BRDT: variants seen among roughly 807,000 people sequenced by gnomAD.
BRDT encodes the protein bromodomain testis-specific protein.
BRDT carries 77 observed loss-of-function variants against 113.9 expected under a neutral mutation model. The ratio of observed to expected loss-of-function variants is 0.68; its 90% CI spans 0.56 to 0.82. The LOEUF is 0.82. Among genes scored for constraint, BRDT ranks in the 40% least tolerant of loss-of-function variants. The probability of loss-of-function intolerance (pLI) is 0.00; values close to 1 mark genes in which losing one functional copy is unlikely to be tolerated. For missense variants in BRDT, 1,027 were observed against 1,105.4 expected, an observed-to-expected ratio of 0.93 and a Z score of 1.01; for synonymous variants, 358 against 366.5, an observed-to-expected ratio of 0.98 and a Z score of 0.26.
At chr1:91,960,331 A>G (rs1346830356) in intron 1 of BRDT, among the ~76,000 whole-genome samples, 1 of 152,256 alleles carries the variant, frequency 6.6e-6, no homozygotes, top group Non-Finnish European at 1.5e-5. Context: ...AAAGAAAATG[A>G]TAGACATACG....
chr1:92,005,947 C>G (rs1179989162), intron 18 of BRDT, among the ~76,000 whole-genome samples: 1 of 152,154 alleles, frequency 6.6e-6, no homozygotes, highest in Non-Finnish European at 1.5e-5. Context: ...TCCTAATATG[C>G]AGAAAATAAT....
At chr1:91,988,488 C>T (rs567946381) in intron 12 of BRDT, among the ~76,000 whole-genome samples, 1 of 152,204 alleles carries the variant, frequency 6.6e-6, no homozygotes, top group South Asian at 2.1e-4. Context: ...GAAACCTCTG[C>T]CTCCCAGGTT....
chr1:92,000,868 A>G (rs892422759), intron 15 of BRDT, among the ~76,000 whole-genome samples: 51 of 152,236 alleles, frequency 3.4e-4, no homozygotes, highest in African/African-American at 1.1e-3. Flanking sequence ...AGATAGGTCA[A>G]TCTTTTAGTC....
intron 12 of BRDT, among the ~76,000 whole-genome samples, chr1:91,986,484 A>G (rs927665820): frequency 2.0e-5 from 3 of 152,204 alleles, no homozygotes; most frequent in Non-Finnish European, 4.4e-5. Context: ...AGTTAAACAC[A>G]AAGAAACTAA....
chr1:92,009,393 C>T (rs1687602478), intron 18 of BRDT, among the ~76,000 whole-genome samples: 1 of 152,084 alleles, frequency 6.6e-6, no homozygotes, highest in Admixed American at 6.5e-5. Context: ...TCTTGGCTAT[C>T]ACAATAGGTC....
At chr1:91,971,661 T>C (rs1002453742) in intron 4 of BRDT, among the ~76,000 whole-genome samples, 2 of 152,220 alleles carry the variant, frequency 1.3e-5, no homozygotes, top group Non-Finnish European at 2.9e-5. Context: ...ACAAAAACTT[T>C]GCCATCTTGG....
At chr1:91,991,328 T>A in intron 13 of BRDT, 83 bp downstream of exon 13, 1 of 662,454 alleles carries the variant, frequency 1.5e-6, no homozygotes, top group Non-Finnish European at 2.3e-6. Context: ...TAAAATTGTT[T>A]TCAATTTTAT....
intron 12 of BRDT, among the ~76,000 whole-genome samples, chr1:91,987,687 T>C (rs951564239): frequency 1.3e-5 from 2 of 150,206 alleles, no homozygotes; most frequent in Non-Finnish European, 3.0e-5. Flanking sequence ...AATCATATTA[T>C]GTTCCTATTC....
At chr1:91,959,265 G>A (rs1034183750) in intron 1 of BRDT, among the ~76,000 whole-genome samples, 117 of 152,128 alleles carry the variant, frequency 7.7e-4, no homozygotes, top group Admixed American at 2.2e-3. Context: ...TGATTGGAGT[G>A]GTTAACCTTT....
intron 12 of BRDT, among the ~76,000 whole-genome samples, chr1:91,982,025 C>G (rs928511269): frequency 3.9e-5 from 6 of 152,074 alleles, no homozygotes; most frequent in African/African-American, 1.4e-4. Context: ...TAAATAATTT[C>G]AAATCTTAAT....
intron 1 of BRDT, among the ~76,000 whole-genome samples, chr1:91,953,983 GT>G (rs1240740824): frequency 6.8e-6 from 1 of 147,636 alleles, no homozygotes; most frequent in East Asian, 2.0e-4. Context: ...GTTTTGTTTT[GT>G]TTTTTGAGAC....
intron 1 of BRDT, among the ~76,000 whole-genome samples, chr1:91,952,687 T>G (rs1681229809): frequency 1.3e-5 from 2 of 149,692 alleles, no homozygotes; most frequent in South Asian, 4.2e-4. Context: ...ATGCCTGTGA[T>G]CGTAGCACTT....
chr1:92,008,093 T>C (rs1687489966), intron 18 of BRDT, among the ~76,000 whole-genome samples: 1 of 152,122 alleles, frequency 6.6e-6, no homozygotes, highest in Non-Finnish European at 1.5e-5. Context: ...AATTTTTGTA[T>C]TTTTAGTAGA....
chr1:91,951,177 C>T (rs1380516641), intron 1 of BRDT, among the ~76,000 whole-genome samples: 3 of 152,176 alleles, frequency 2.0e-5, no homozygotes, highest in Non-Finnish European at 4.4e-5. Flanking sequence ...GCCTCACTGT[C>T]GCTGACCGTG....
At chr1:91,998,723 A>T (rs954339198) in intron 15 of BRDT, among the ~76,000 whole-genome samples, 15 of 152,242 alleles carry the variant, frequency 9.9e-5, no homozygotes, top group Non-Finnish European at 2.2e-4. Flanking sequence ...TGTTTGGCAG[A>T]TACATATTTT....
chr1:91,963,054 T>G, intron 2 of BRDT, 108 bp downstream of exon 2: 1 of 875,760 alleles, frequency 1.1e-6, no homozygotes, highest in Non-Finnish European at 1.6e-6. Flanking sequence ...CCAGGCGCGT[T>G]GGCTCCCGCC....
In BRDT at chr1:92,005,137, G is replaced by A. The variant is rs756601751; in HGVS notation, c.2613G>A (p.Leu871=). 59 of 1,513,320 alleles carry A rather than the reference G, an allele frequency of 3.9e-5. No homozygotes were observed. Among genetic ancestry groups the A allele is most frequent in the Non-Finnish European group, 4.9e-5 (56 of 1,136,496 alleles). 93.7% of individuals were successfully genotyped at this position (1,513,320 alleles called of 1,614,324 possible). A position where few individuals can be genotyped will look rare whatever the true frequency, so the allele number is the denominator to read the frequency against. ...CTTTAAGGGATCTTGGGAATGGATT[G>A]ACTGTAGAATCTTTTTCAAATAAAA... ...QENQRDLGNG[L]TVESFSNKIQ... is the part of the protein sequence containing the mutation. The change falls in exon 18 of 19, where the codon TTG becomes TTA. Residue 871 remains leucine (L), a synonymous_variant. Coordinates refer to ENST00000399546, the MANE Select transcript of BRDT (RefSeq NM_207189.4).
At chr1:91,978,384 A>G in intron 7 of BRDT, 88 bp downstream of exon 7, 2 of 1,468,348 alleles carry the variant, frequency 1.4e-6, no homozygotes, top group Non-Finnish European at 1.9e-6. Context: ...GATAAAGAAT[A>G]ATAACTCCTA....
chr1:91,986,942 CTTT>C (rs770010779), intron 12 of BRDT, among the ~76,000 whole-genome samples: 2 of 132,524 alleles, frequency 1.5e-5, no homozygotes. Context: ...TTTATAAATT[CTTT>C]TTTTTTTTTT....
Sources: gnomAD v4.1 joint callset for allele counts (sites outside exome capture counted in the v4.1 genomes callset) on GRCh38, gnomAD v4.1.1 for gene constraint, MANE v1.5 for transcripts, NCBI Gene and HGNC (gene_info 2026-07-23, HGNC 2026-07-21) for gene names.